MKLN1: variants seen among roughly 807,000 people sequenced by gnomAD.
The protein encoded by MKLN1 is muskelin 1.
A neutral mutation model predicts 99.0 loss-of-function variants in MKLN1; 18 were observed. That is an observed-to-expected ratio of 0.18 (90% CI 0.13 to 0.27). The LOEUF (loss-of-function observed/expected upper bound fraction) is 0.27, where lower values mean the gene tolerates loss of function less well. MKLN1 is among the 10% of genes least tolerant of loss of function. The pLI is 1.00. For missense variants in MKLN1, 621 were observed against 875.9 expected (o/e 0.71, Z 3.67); for synonymous variants, 288 against 293.2 (o/e 0.98, Z 0.18).
intron 1 of MKLN1, among the ~76,000 whole-genome samples, chr7:131,330,632 T>C (rs913737100): frequency 6.6e-6 from 1 of 152,176 alleles, no homozygotes; most frequent in East Asian, 1.9e-4. Context: ...CACAAAGGTA[T>C]ATATAGTACA....
chr7:131,395,916 T>C (rs1287817617), intron 4 of MKLN1, among the ~76,000 whole-genome samples: 1 of 151,836 alleles, frequency 6.6e-6, no homozygotes, highest in African/African-American at 2.4e-5. Context: ...AAATATTGCG[T>C]ATTTTAAGTT....
chr7:131,232,689 T>C (rs1797260272), intron 3 of MKLN1, among the ~76,000 whole-genome samples: 1 of 152,136 alleles, frequency 6.6e-6, no homozygotes, highest in Non-Finnish European at 1.5e-5. Flanking sequence ...TACTCCTCAA[T>C]TGAATACATT....
intron 12 of MKLN1, among the ~76,000 whole-genome samples, chr7:131,448,714 A>T (rs1796090389): frequency 1.3e-5 from 2 of 152,156 alleles, no homozygotes; most frequent in South Asian, 4.2e-4. Flanking sequence ...TCATTGTTTG[A>T]TTACTGCTAT....
intron 3 of MKLN1, among the ~76,000 whole-genome samples, chr7:131,204,643 A>G (rs1016361291): frequency 2.0e-5 from 3 of 152,072 alleles, no homozygotes; most frequent in Non-Finnish European, 4.4e-5. Flanking sequence ...CAGCCTGGCC[A>G]ACATGGTGGA....
chr7:131,271,923 A>C (rs1446184650), intron 3 of MKLN1, among the ~76,000 whole-genome samples: 17 of 152,036 alleles, frequency 1.1e-4, no homozygotes, highest in Admixed American at 1.1e-3. Flanking sequence ...AAAAAAAAAA[A>C]ATCAAAGATT....
At chr7:131,389,735 A>G (rs1210321126) in intron 4 of MKLN1, among the ~76,000 whole-genome samples, 1 of 151,810 alleles carries the variant, frequency 6.6e-6, no homozygotes, top group Non-Finnish European at 1.5e-5. Flanking sequence ...AATACAAAAA[A>G]AAATTTAGCT....
At chr7:131,332,675 T>C (rs1162636915) in intron 1 of MKLN1, among the ~76,000 whole-genome samples, 1 of 151,990 alleles carries the variant, frequency 6.6e-6, no homozygotes, top group Admixed American at 6.5e-5. Flanking sequence ...TTTACTGTTG[T>C]CCTGTTTGCT....
chr7:131,443,607 C>A lies in MKLN1; in HGVS notation c.1300C>A (p.Gln434Lys), dbSNP rs1253609432. 9 of 1,614,010 alleles carry A rather than the reference C, an allele frequency of 5.6e-6. No homozygotes were observed. The highest frequency in any genetic ancestry group is 6.8e-6 in the Non-Finnish European group (8 of 1,179,980). ...CAGTGGCTTGTTTGCTTTCAACTGTCAATGTCAAACCTGGAAACTTCTTCG... is the reference window on the plus strand; with the variant it reads ...CAGTGGCTTGTTTGCTTTCAACTGTAAATGTCAAACCTGGAAACTTCTTCG... ...QFSGLFAFNC[Q>K]CQTWKLLRED... Residue 434 changes from glutamine to lysine, a missense_variant, in exon 11 of 18, where the codon CAA becomes AAA. Coordinates refer to ENST00000352689, the MANE Select transcript of MKLN1 (RefSeq NM_013255.5).
intron 8 of MKLN1, among the ~76,000 whole-genome samples, chr7:131,420,678 A>G (rs930343970): frequency 6.6e-6 from 1 of 152,166 alleles, no homozygotes; most frequent in Non-Finnish European, 1.5e-5. Context: ...TACTACAATA[A>G]TTTCCACATT....
At chr7:131,298,748 G>T (rs1798332460) in intron 3 of MKLN1, among the ~76,000 whole-genome samples, 1 of 152,168 alleles carries the variant, frequency 6.6e-6, no homozygotes, top group Admixed American at 6.5e-5. Context: ...CATGTTGCAG[G>T]TGAATGCTGG....
At chr7:131,128,896 ATT>A (rs59954758) in intron 1 of MKLN1, among the ~76,000 whole-genome samples, 2 of 120,204 alleles carry the variant, frequency 1.7e-5, no homozygotes, top group African/African-American at 6.8e-5. Context: ...CACCTCACCT[ATT>A]TTTTTTTTTT....
chr7:131,224,176 A>AATC (rs1375015966), intron 3 of MKLN1, among the ~76,000 whole-genome samples: 1 of 152,244 alleles, frequency 6.6e-6, no homozygotes, highest in Non-Finnish European at 1.5e-5. Context: ...TATTGGGGAC[A>AATC]ATCAATCGCT....
intron 3 of MKLN1, among the ~76,000 whole-genome samples, chr7:131,296,873 AC>A (rs1798298262): frequency 6.6e-6 from 1 of 152,142 alleles, no homozygotes; most frequent in South Asian, 2.1e-4. Flanking sequence ...AGAAGCTGGG[AC>A]CACAGATGGG....
Position 131,328,498 on chromosome 7 carries a change from G to C in MKLN1, c.98+501G>C, listed in dbSNP as rs139820609. Among the ~76,000 whole-genome samples, 985 of 152,314 alleles carry C rather than the reference G, an allele frequency of 6.5e-3. 9 individuals are homozygous for C. The highest frequency in any genetic ancestry group is 0.023 in the African/African-American group (955 of 41,558). On this transcript the variant is annotated intron_variant, in intron 1 of 17. Transcript: ENST00000352689. The stretch of plus-strand genomic sequence containing the variant: ...GTCATTAAAAGTGATTAGCTCTAGA[G>C]TAGTGTTAAAAGTCACGGAAGGCTG...
chr7:131,368,755 C>T (rs997937182), intron 1 of MKLN1, among the ~76,000 whole-genome samples: 1 of 152,062 alleles, frequency 6.6e-6, no homozygotes, highest in Non-Finnish European at 1.5e-5. Flanking sequence ...TATCAGATTG[C>T]AAGTCAGTTT....
chr7:131,192,109 T>A (rs188018054), intron 2 of MKLN1, among the ~76,000 whole-genome samples: 3,072 of 80,214 alleles, frequency 0.038, 361 homozygotes, highest in East Asian at 0.15. Flanking sequence ...TATATATATA[T>A]TATATATATA....
chr7:131,114,938 G>GAAA (rs762049373), intron 1 of MKLN1, among the ~76,000 whole-genome samples: 4 of 121,086 alleles, frequency 3.3e-5, no homozygotes, highest in Non-Finnish European at 5.4e-5. Flanking sequence ...TCTGTCTCAA[G>GAAA]AAAAAAAAAA....
At chr7:131,354,777 G>A (rs1799825174) in intron 1 of MKLN1, among the ~76,000 whole-genome samples, 1 of 152,070 alleles carries the variant, frequency 6.6e-6, no homozygotes. Context: ...GGTGGATGAT[G>A]TGAGGCACAA....
intron 2 of MKLN1, among the ~76,000 whole-genome samples, chr7:131,185,478 T>A (rs1796436493): frequency 6.6e-6 from 1 of 150,718 alleles, no homozygotes; most frequent in Admixed American, 6.6e-5. Flanking sequence ...TCCCAGCTAC[T>A]CGGGAGGCTG....
Sources: allele counts gnomAD v4.1 joint callset (sites outside exome capture counted in the v4.1 genomes callset), GRCh38; gene constraint gnomAD v4.1.1; transcripts MANE v1.5; gene names NCBI Gene and HGNC (gene_info 2026-07-23, HGNC 2026-07-21).